PLCB1: variants seen among roughly 807,000 people sequenced by gnomAD.
PLCB1 encodes the protein phospholipase C beta 1, also known as 1-phosphatidylinositol 4,5-bisphosphate phosphodiesterase beta-1.
A neutral mutation model predicts 161.8 loss-of-function variants in PLCB1; 46 were observed. The observed-to-expected ratio is 0.28, with a 90% CI of 0.22 to 0.36. The LOEUF (loss-of-function observed/expected upper bound fraction) is 0.36, where lower values mean the gene tolerates loss of function less well. Among genes scored for constraint, PLCB1 ranks in the 10% least tolerant of loss-of-function variants. PLCB1 has a pLI of 1.00. For synonymous variants in PLCB1, 517 were observed against 503.7 expected (o/e 1.03, Z -0.35); for missense variants, 1,016 against 1,472.5 (o/e 0.69, Z 5.07).
At chr20:8,517,254 A>G (rs1325807749) in intron 3 of PLCB1, among the ~76,000 whole-genome samples, 2 of 152,176 alleles carry the variant, frequency 1.3e-5, no homozygotes, top group South Asian at 4.1e-4. Context: ...TGCAGGAACA[A>G]AACAGAATTT....
intron 24 of PLCB1, among the ~76,000 whole-genome samples, chr20:8,757,468 A>G (rs1394704397): frequency 1.3e-5 from 2 of 152,210 alleles, no homozygotes; most frequent in Non-Finnish European, 2.9e-5. Flanking sequence ...CAGTTTGAGA[A>G]GAATTCTCCA....
chr20:8,379,007 C>T (rs1987180495), intron 3 of PLCB1, among the ~76,000 whole-genome samples: 1 of 152,074 alleles, frequency 6.6e-6, no homozygotes, highest in South Asian at 2.1e-4. Flanking sequence ...TTCTCGGATA[C>T]ATGTGCAGAA....
At chr20:8,736,392 T>C (rs192267708) in intron 19 of PLCB1, among the ~76,000 whole-genome samples, 249 of 152,350 alleles carry the variant, frequency 1.6e-3, no homozygotes, top group African/African-American at 5.9e-3. Flanking sequence ...GGGGTAATGA[T>C]AAACTTATCT....
chr20:8,631,040 T>A (rs1238103149), intron 4 of PLCB1, among the ~76,000 whole-genome samples: 1 of 152,230 alleles, frequency 6.6e-6, no homozygotes, highest in Non-Finnish European at 1.5e-5. Context: ...CTGGCTGTGA[T>A]GTTCTATAGA....
At chr20:8,832,438 C>T (rs1392058194) in intron 31 of PLCB1, among the ~76,000 whole-genome samples, 3 of 152,164 alleles carry the variant, frequency 2.0e-5, no homozygotes, top group Admixed American at 2.0e-4. Context: ...CGTGAAAATA[C>T]AGTCATGGGT....
intron 4 of PLCB1, among the ~76,000 whole-genome samples, chr20:8,631,006 G>T (rs1988569090): frequency 6.6e-6 from 1 of 152,152 alleles, no homozygotes; most frequent in Admixed American, 6.5e-5. Context: ...AATTAATGAA[G>T]CTATGGAGAA....
intron 3 of PLCB1, among the ~76,000 whole-genome samples, chr20:8,385,278 G>C (rs1987390233): frequency 6.6e-6 from 1 of 152,188 alleles, no homozygotes; most frequent in African/African-American, 2.4e-5. Context: ...GGATGAGTCA[G>C]GGTCAGGCCT....
In PLCB1 at chr20:8,178,580, GCTGT is replaced by G. The variant is rs372204811; in HGVS notation, c.177+28212_177+28215del. ...GCAAATGTTTTCTCATATTCTGCAG[GCTGT>G]CTATTTACTCTGTTGATAGTTTCTT... On this transcript the variant is annotated intron_variant, in intron 2 of 31. Transcript: ENST00000338037. Among the ~76,000 whole-genome samples, 243 of 152,194 alleles carry G rather than the reference GCTGT, an allele frequency of 1.6e-3. 1 individual carries two copies. Among genetic ancestry groups the G allele is most frequent in the Middle Eastern group, 6.8e-3 (2 of 294 alleles).
chr20:8,665,068 A>G (rs1381259657), intron 9 of PLCB1, among the ~76,000 whole-genome samples: 2 of 152,184 alleles, frequency 1.3e-5, no homozygotes, highest in Non-Finnish European at 2.9e-5. Flanking sequence ...TTGGAGAGAG[A>G]TGGTTCCCTA....
At chr20:8,629,867 TTCTTTCTTTC>T (rs869074573) in intron 4 of PLCB1, among the ~76,000 whole-genome samples, 12,400 of 109,770 alleles carry the variant, frequency 0.11, 944 homozygotes, top group Admixed American at 0.15. Flanking sequence ...CTTTCTTTCT[TTCTTTCTTTC>T]TCTCTCTCTT....
intron 12 of PLCB1, among the ~76,000 whole-genome samples, chr20:8,715,688 C>G (rs1277930663): frequency 6.6e-6 from 1 of 152,100 alleles, no homozygotes; most frequent in Admixed American, 6.5e-5. Context: ...CCTCCAGGAC[C>G]CCCTCCCCAA....
intron 3 of PLCB1, among the ~76,000 whole-genome samples, chr20:8,400,912 C>T (rs1978522358): frequency 6.6e-6 from 1 of 152,038 alleles, no homozygotes; most frequent in Non-Finnish European, 1.5e-5. Flanking sequence ...GGTGAAATTG[C>T]TAAGTCCAAA....
chr20:8,720,527 A>AT (rs1205806307), intron 14 of PLCB1, among the ~76,000 whole-genome samples: 1 of 152,186 alleles, frequency 6.6e-6, no homozygotes, highest in Non-Finnish European at 1.5e-5. Context: ...TTTACTTATC[A>AT]TGGCCCCTGT....
chr20:8,509,735 TAGATAGATA>T (rs1015656748), intron 3 of PLCB1, among the ~76,000 whole-genome samples: 7 of 15,690 alleles, frequency 4.5e-4, no homozygotes, highest in Middle Eastern at 0.028. Context: ...AGATCATAGA[TAGATAGATA>T]GATAGATAGA....
intron 3 of PLCB1, among the ~76,000 whole-genome samples, chr20:8,412,048 C>T (rs944986986): frequency 6.6e-6 from 1 of 151,938 alleles, no homozygotes; most frequent in Non-Finnish European, 1.5e-5. Flanking sequence ...AAAAAGAAGA[C>T]AATTTCCTCA....
intron 4 of PLCB1, among the ~76,000 whole-genome samples, chr20:8,640,490 T>TA (rs1444814105): frequency 6.6e-6 from 1 of 152,240 alleles, no homozygotes. Flanking sequence ...CCGAGGCAGA[T>TA]ACAACCAAAG....
At chr20:8,469,137 C>T (rs1355346541) in intron 3 of PLCB1, among the ~76,000 whole-genome samples, 1 of 152,160 alleles carries the variant, frequency 6.6e-6, no homozygotes, top group African/African-American at 2.4e-5. Flanking sequence ...GACCTGAGTT[C>T]TGCCTTCAAA....
In PLCB1 at chr20:8,697,735, A is replaced by T; in HGVS notation, c.1119A>T (p.Glu373Asp). The change falls in exon 11 of 32, where the codon GAA becomes GAT. Residue 373 changes from glutamate to aspartate, a missense_variant. This residue lies in a region of PLCB1 where 56 missense variants were observed against 126.3 expected (regional missense o/e 0.44). Coordinates refer to ENST00000338037, the MANE Select transcript of PLCB1 (RefSeq NM_015192.4). Reference sequence around the variant, plus strand: ...GGAAGGGACGGACTGCAGAAGAGGAACCTGTCATCACCCATGGCTTCACCA... The same window carrying T: ...GGAAGGGACGGACTGCAGAAGAGGATCCTGTCATCACCCATGGCTTCACCA... ...DCWKGRTAEE[E>D]PVITHGFTMT... is the part of the protein sequence containing the mutation. 6.2e-7 allele frequency: 1 copy of T among 1,614,186 alleles called. No individual in the cohort carries two copies. The highest frequency in any genetic ancestry group is 8.5e-7 in the Non-Finnish European group (1 of 1,180,028).
chr20:8,314,424 A>T (rs1984543553), intron 2 of PLCB1, among the ~76,000 whole-genome samples: 1 of 152,244 alleles, frequency 6.6e-6, no homozygotes, highest in Non-Finnish European at 1.5e-5. Context: ...CCATATATTC[A>T]GGAAAAATCA....
Sources: gnomAD v4.1 joint callset for allele counts (sites outside exome capture counted in the v4.1 genomes callset) on GRCh38, gnomAD v4.1.1 for gene constraint, gnomAD v4.1.1 regional missense constraint, MANE v1.5 for transcripts, NCBI Gene and HGNC (gene_info 2026-07-23, HGNC 2026-07-21) for gene names.